EPB41: variants seen among roughly 807,000 people sequenced by gnomAD.
EPB41 encodes protein 4.1.
EPB41 carries 65 observed loss-of-function variants against 108.0 expected under a neutral mutation model. The observed-to-expected ratio is 0.60, with a 90% CI of 0.49 to 0.74. The LOEUF is 0.74. Ranked by LOEUF, EPB41 falls within the 30% of genes least tolerant of loss-of-function variation. The pLI is 0.00. For synonymous variants in EPB41, 336 were observed against 358.9 expected, an observed-to-expected ratio of 0.94 and a Z score of 0.72; for missense variants, 875 against 1,037.0, an observed-to-expected ratio of 0.84 and a Z score of 2.15.
chr1:28,935,780 G>A (rs1359376353), intron 1 of EPB41, among the ~76,000 whole-genome samples: 4 of 151,832 alleles, frequency 2.6e-5, no homozygotes. Flanking sequence ...TTAGCTGGGC[G>A]TGGTGGCACA....
intron 1 of EPB41, among the ~76,000 whole-genome samples, chr1:28,951,508 G>A (rs1024818094): frequency 6.6e-6 from 1 of 152,090 alleles, no homozygotes; most frequent in Non-Finnish European, 1.5e-5. Flanking sequence ...AAGGGAATTT[G>A]GCCTAGGCAG....
rs748156133 is a variant in EPB41, at chr1:29,058,852, G to A, written c.1944G>A (p.Lys648=). ...EKTEDLIRMR[K]KKRERLDGEN... ...CTGAAGATCTGATAAGAATGAGGAA[G>A]GTTAGCCATTTTTCACTTTCACAAA... Residue 648 remains lysine (K), a splice_region_variant and synonymous_variant, in exon 14 of 21, where the codon AAG becomes AAA. Coordinates refer to ENST00000343067, the MANE Select transcript of EPB41 (RefSeq NM_001376013.1). 11 of 1,551,054 alleles carry A rather than the reference G, an allele frequency of 7.1e-6. No homozygotes were observed. Among genetic ancestry groups the A allele is most frequent in the African/African-American group, 1.4e-5 (1 of 73,038 alleles).
At chr1:28,985,167 C>G (rs1159691926) in intron 1 of EPB41, among the ~76,000 whole-genome samples, 9 of 150,636 alleles carry the variant, frequency 6.0e-5, no homozygotes, top group Admixed American at 5.9e-4. Context: ...CTTCACCATG[C>G]TGACCAGGCT....
At chr1:29,097,764 C>T in intron 16 of EPB41, 43 bp from the exon 17 acceptor site, 2 of 1,609,058 alleles carry the variant, frequency 1.2e-6, no homozygotes, top group Non-Finnish European at 1.7e-6. Flanking sequence ...TTCTCCATTG[C>T]CTTCAGAAAT....
At chr1:29,092,916 G>GTA (rs769587435) in intron 16 of EPB41, among the ~76,000 whole-genome samples, 38 of 152,250 alleles carry the variant, frequency 2.5e-4, no homozygotes, top group African/African-American at 7.9e-4. Context: ...GTATTCCATG[G>GTA]TATATATATA....
Position 29,117,062 on chromosome 1 carries a change from T to C in EPB41, c.*250T>C, listed in dbSNP as rs1671140157. On this transcript the variant is annotated 3_prime_UTR_variant, in exon 21 of 21. Transcript: ENST00000343067. ...TCAACTTTTCACTCTATAGACTGTT[T>C]TAAGAGTTTTGGGGTTTTTTTAATT... 1 of 152,218 alleles carries C rather than the reference T, an allele frequency of 6.6e-6. No individual in the cohort carries two copies. The highest frequency in any genetic ancestry group is 2.1e-4 in the South Asian group (1 of 4,832). The allele number at this position is 152,218 out of a possible 1,614,324, so 9.4% of individuals were successfully genotyped here.
chr1:28,931,855 A>G (rs1465296847), intron 1 of EPB41, among the ~76,000 whole-genome samples: 1 of 152,118 alleles, frequency 6.6e-6, no homozygotes, highest in African/African-American at 2.4e-5. Flanking sequence ...AATATTTTCA[A>G]TAGAGACAGC....
At chr1:29,037,314 T>C (rs1406360248) in intron 10 of EPB41, among the ~76,000 whole-genome samples, 2 of 149,694 alleles carry the variant, frequency 1.3e-5, no homozygotes, top group Non-Finnish European at 3.0e-5. Context: ...ACTCCTGACC[T>C]CAAGTGATCT....
intron 1 of EPB41, among the ~76,000 whole-genome samples, chr1:28,903,861 G>T (rs150092): frequency 0.43 from 64,573 of 151,340 alleles, 15,782 homozygotes; most frequent in East Asian, 0.85. Context: ...CAGTTTTTTT[G>T]TTGTTGTTGT....
intron 1 of EPB41, among the ~76,000 whole-genome samples, chr1:28,919,469 CT>C (rs1004695782): frequency 1.6e-3 from 232 of 145,666 alleles, no homozygotes; most frequent in Non-Finnish European, 1.5e-3. Flanking sequence ...TCCTTTCTTT[CT>C]TTTTTTTTTT....
intron 19 of EPB41, 37 bp downstream of exon 19, chr1:29,112,485 C>A: frequency 1.3e-6 from 2 of 1,568,568 alleles, no homozygotes; most frequent in South Asian, 1.1e-5. Context: ...TGGGAGGGGT[C>A]CCTGGGCAGG....
At chr1:28,927,606 C>T (rs1052169504) in intron 1 of EPB41, among the ~76,000 whole-genome samples, 3 of 152,134 alleles carry the variant, frequency 2.0e-5, no homozygotes, top group Non-Finnish European at 4.4e-5. Context: ...TGTTTTACAT[C>T]CAATCTACAA....
intron 17 of EPB41, among the ~76,000 whole-genome samples, chr1:29,099,464 T>G (rs1024624186): frequency 6.6e-6 from 1 of 152,018 alleles, no homozygotes; most frequent in Non-Finnish European, 1.5e-5. Context: ...TAGCTGGAAC[T>G]ACAGGCATGC....
intron 12 of EPB41, among the ~76,000 whole-genome samples, chr1:29,056,890 A>G (rs1645562881): frequency 6.6e-6 from 1 of 152,218 alleles, no homozygotes. Context: ...TAAAGATCCA[A>G]AGCAAAAAGA....
intron 1 of EPB41, among the ~76,000 whole-genome samples, chr1:28,892,834 T>C (rs1400398852): frequency 4.8e-5 from 7 of 146,474 alleles, no homozygotes; most frequent in Non-Finnish European, 7.5e-5. Context: ...GACAGAATCT[T>C]ACTCTGTTGT....
At chr1:28,938,053 T>C (rs1485752193) in intron 1 of EPB41, among the ~76,000 whole-genome samples, 1 of 152,224 alleles carries the variant, frequency 6.6e-6, no homozygotes, top group Non-Finnish European at 1.5e-5. Flanking sequence ...ATTCCGTTGA[T>C]CTACGTGTTT....
At chr1:29,088,699 T>C (rs1340395137) in intron 16 of EPB41, among the ~76,000 whole-genome samples, 2 of 152,218 alleles carry the variant, frequency 1.3e-5, no homozygotes, top group African/African-American at 2.4e-5. Context: ...AGCCTTCTTA[T>C]ATGTAAAAAT....
intron 1 of EPB41, among the ~76,000 whole-genome samples, chr1:28,934,658 T>C (rs905522152): frequency 1.1e-5 from 1 of 90,032 alleles, no homozygotes; most frequent in African/African-American, 6.1e-5. Context: ...CCTCTGGTTC[T>C]TTTGACATTG....
intron 3 of EPB41, 111 bp downstream of exon 3, chr1:28,993,653 TTTTC>T: frequency 1.1e-6 from 1 of 913,542 alleles, no homozygotes; most frequent in Non-Finnish European, 1.6e-6. Flanking sequence ...ATTATTTCTT[TTTTC>T]TTTTTTTTTT....
Sources: gnomAD v4.1 joint callset for allele counts (sites outside exome capture counted in the v4.1 genomes callset) on GRCh38, gnomAD v4.1.1 for gene constraint, MANE v1.5 for transcripts, NCBI Gene and HGNC (gene_info 2026-07-23, HGNC 2026-07-21) for gene names.